The following FGGY variants were observed in gnomAD, a reference collection of about 807,000 sequenced individuals.
The protein encoded by FGGY is FGGY carbohydrate kinase domain-containing protein.
FGGY carries 72 observed loss-of-function variants against 71.3 expected under a neutral mutation model. That is an observed-to-expected ratio of 1.01 (90% CI 0.84 to 1.23). The LOEUF (loss-of-function observed/expected upper bound fraction) is 1.23, where lower values mean the gene tolerates loss of function less well. Ranked by LOEUF, FGGY falls within the 50% of genes most tolerant of loss-of-function variation. The pLI is 0.00. For synonymous variants in FGGY, 251 were observed against 250.3 expected (o/e 1.00, Z -0.02); for missense variants, 668 against 682.3 (o/e 0.98, Z 0.23).
At chr1:59,426,442 G>A (rs1284779965) in intron 5 of FGGY, among the ~76,000 whole-genome samples, 2 of 152,148 alleles carry the variant, frequency 1.3e-5, no homozygotes, top group Admixed American at 6.5e-5. Flanking sequence ...TGAAGTTGCT[G>A]ACTGATGTCT....
chr1:59,574,251 T>C (rs2096040286), intron 8 of FGGY, among the ~76,000 whole-genome samples: 1 of 152,194 alleles, frequency 6.6e-6, no homozygotes, highest in Non-Finnish European at 1.5e-5. Context: ...TGGTGGCTGC[T>C]GGCATTCCTT....
intron 5 of FGGY, 66 bp downstream of exon 5, chr1:59,378,903 C>A: frequency 7.7e-7 from 1 of 1,306,620 alleles, no homozygotes; most frequent in Middle Eastern, 1.8e-4. Flanking sequence ...CTATATATTG[C>A]TTTCTTAACT....
At chr1:59,421,690 A>T (rs1463788860) in intron 5 of FGGY, among the ~76,000 whole-genome samples, 1 of 151,984 alleles carries the variant, frequency 6.6e-6, no homozygotes, top group African/African-American at 2.4e-5. Flanking sequence ...TATACTTGAG[A>T]TATATTGTCT....
intron 11 of FGGY, among the ~76,000 whole-genome samples, chr1:59,651,439 TA>T (rs2097159699): frequency 6.7e-6 from 1 of 148,706 alleles, no homozygotes; most frequent in South Asian, 2.2e-4. Context: ...GGTGCTCCTG[TA>T]TTGGGTGCAT....
At chr1:59,439,886 T>C (rs374456606) in intron 5 of FGGY, among the ~76,000 whole-genome samples, 61 of 152,246 alleles carry the variant, frequency 4.0e-4, no homozygotes, top group South Asian at 3.9e-3. Flanking sequence ...TAGTAAGTGA[T>C]CGTTGATTTT....
intron 1 of FGGY, among the ~76,000 whole-genome samples, chr1:59,306,029 G>T (rs944076734): frequency 2.0e-5 from 3 of 152,054 alleles, no homozygotes; most frequent in African/African-American, 7.2e-5. Context: ...CATATCCCAG[G>T]GATTAAACTT....
intron 8 of FGGY, among the ~76,000 whole-genome samples, chr1:59,592,510 C>A (rs1294935848): frequency 2.0e-5 from 3 of 152,042 alleles, no homozygotes; most frequent in Admixed American, 6.5e-5. Context: ...GCACTATTCA[C>A]AATAGCAAAG....
chr1:59,465,455 G>C (rs927998384), intron 6 of FGGY, among the ~76,000 whole-genome samples: 1 of 152,220 alleles, frequency 6.6e-6, no homozygotes, highest in African/African-American at 2.4e-5. Context: ...ACAAGACAGG[G>C]ATGCCCTCTC....
At position 59,346,364 on chromosome 1, in the gene FGGY, A is replaced by C; in HGVS notation, c.431A>C (p.Glu144Ala). The C allele has an allele frequency of 1.2e-6, 2 of 1,611,668 alleles. No individual in the cohort carries two copies. Among genetic ancestry groups the C allele is most frequent in the Non-Finnish European group, 1.7e-6 (2 of 1,179,576 alleles). Residue 144 changes from glutamate (E) to alanine (A), a missense_variant, in exon 4 of 16, where the codon GAA (glutamate) becomes GCA (alanine). Glu to Ala is a moderately radical substitution (Grantham distance 107, BLOSUM62 -1). Around this residue, in one of 2 missense-constraint regions of FGGY, gnomAD observed 661 missense variants for 661.6 expected, o/e 1.00. Coordinates refer to ENST00000303721, the MANE Select transcript of FGGY (RefSeq NM_018291.5). ...LQYVGGVMSV[E>A]MQAPKLLWLK... ...TACGTCGGGGGGGTGATGTCTGTGG[A>C]AATGCAGGCCCCGAAACTTCTGTGG...
At chr1:59,648,188 G>C (rs1393712866) in intron 11 of FGGY, among the ~76,000 whole-genome samples, 1 of 113,426 alleles carries the variant, frequency 8.8e-6, no homozygotes, top group Non-Finnish European at 1.7e-5. Context: ...TTGCTATTGT[G>C]AATAGTGCCG....
chr1:59,661,010 A>G (rs1388288473), intron 12 of FGGY, among the ~76,000 whole-genome samples: 2 of 152,328 alleles, frequency 1.3e-5, no homozygotes, highest in South Asian at 4.1e-4. Flanking sequence ...CACAGCAGGT[A>G]TGTAACCGAA....
At position 59,479,678 on chromosome 1, in the gene FGGY, T is replaced by C. The variant is rs543454601; in HGVS notation, c.670+22602T>C. Reference sequence around the variant, plus strand: ...TGGTAGCCAAGTGAGAGAGTCAGAATCTGTAAAAAATGGAAAAGGTTTAAA... The same window carrying C: ...TGGTAGCCAAGTGAGAGAGTCAGAACCTGTAAAAAATGGAAAAGGTTTAAA... On this transcript the variant is annotated intron_variant, in intron 6 of 15. Transcript: ENST00000303721. 5.8e-4 allele frequency among the ~76,000 whole-genome samples: 88 copies of C among 152,180 alleles called. 4 individuals carry two copies. The South Asian group carries it at 0.018, about 31-fold the overall frequency.
At chr1:59,653,614 C>A (rs140240231) in intron 11 of FGGY, among the ~76,000 whole-genome samples, 5 of 152,224 alleles carry the variant, frequency 3.3e-5, no homozygotes, top group Admixed American at 2.6e-4. Flanking sequence ...CTTCGGCTTG[C>A]GCATGGTGCT....
At chr1:59,541,591 A>G (rs2153687605) in intron 7 of FGGY, among the ~76,000 whole-genome samples, 1 of 152,350 alleles carries the variant, frequency 6.6e-6, no homozygotes, top group Non-Finnish European at 1.5e-5. Flanking sequence ...GCCTAGTGGT[A>G]CTTCAAAATG....
At chr1:59,481,454 C>T (rs2093464433) in intron 6 of FGGY, among the ~76,000 whole-genome samples, 1 of 152,102 alleles carries the variant, frequency 6.6e-6, no homozygotes, top group East Asian at 1.9e-4. Flanking sequence ...TTCTCTCTTC[C>T]TGAATGCATG....
chr1:59,307,500 A>G (rs540392788), intron 1 of FGGY, among the ~76,000 whole-genome samples: 11 of 152,262 alleles, frequency 7.2e-5, no homozygotes, highest in Admixed American at 2.0e-4. Context: ...CTTCTCTGTT[A>G]TTCACTGACT....
intron 4 of FGGY, among the ~76,000 whole-genome samples, chr1:59,374,555 TATA>T (rs2058307332): frequency 6.6e-6 from 1 of 152,094 alleles, no homozygotes; most frequent in African/African-American, 2.4e-5. Flanking sequence ...CATTACTGGG[TATA>T]TACCCAAAGG....
intron 1 of FGGY, among the ~76,000 whole-genome samples, chr1:59,308,109 C>G (rs2043719022): frequency 6.6e-6 from 1 of 152,176 alleles, no homozygotes; most frequent in South Asian, 2.1e-4. Context: ...GAAGATCATT[C>G]TAGTTAAGTA....
rs114951533 is a variant in FGGY at position 59,683,680 on chromosome 1, A to G, written c.1512+9547A>G. Among the ~76,000 whole-genome samples the G allele has an allele frequency of 4.6e-4, 70 of 152,322 alleles. 1 individual carries two copies. The highest frequency in any genetic ancestry group is 1.6e-3 in the African/African-American group (67 of 41,576). On this transcript the variant is annotated intron_variant, in intron 14 of 15. Coordinates refer to ENST00000303721, the MANE Select transcript of FGGY (RefSeq NM_018291.5). ...TCATGAGAGGGATGCATTTCCTTAG[A>G]AATGTTATTAATTGGCTGGGCAAAA... is the stretch of plus-strand genomic sequence containing the variant.
Sources: gnomAD v4.1 joint callset for allele counts (sites outside exome capture counted in the v4.1 genomes callset) on GRCh38, gnomAD v4.1.1 for gene constraint, gnomAD v4.1.1 regional missense constraint, MANE v1.5 for transcripts, NCBI Gene and HGNC (gene_info 2026-07-23, HGNC 2026-07-21) for gene names.